The following SMPDL3B variants were observed in gnomAD, a reference collection of about 807,000 sequenced individuals.
SMPDL3B encodes acid sphingomyelinase-like phosphodiesterase 3b.
In SMPDL3B, 31 loss-of-function variants were observed where a neutral mutation model predicts 37.9. The ratio of observed to expected loss-of-function variants is 0.82; its 90% CI spans 0.61 to 1.10. The LOEUF (loss-of-function observed/expected upper bound fraction) is 1.10, where lower values mean the gene tolerates loss of function less well. SMPDL3B is among the 50% of genes least tolerant of loss of function. The probability of loss-of-function intolerance (pLI) is 0.00; values close to 1 mark genes in which losing one functional copy is unlikely to be tolerated. For synonymous variants in SMPDL3B, 235 were observed against 242.6 expected (o/e 0.97, Z 0.29); for missense variants, 525 against 597.8 (o/e 0.88, Z 1.27).
At chr1:27,937,114 G>A (rs2090316445) in intron 1 of SMPDL3B, among the ~76,000 whole-genome samples, 1 of 152,254 alleles carries the variant, frequency 6.6e-6, no homozygotes, top group Non-Finnish European at 1.5e-5. Context: ...TGAAGCACAG[G>A]TGGATTCTGA....
In SMPDL3B at chr1:27,958,691, G is replaced by A. The variant is rs370100191; in HGVS notation, c.1221G>A (p.Glu407=). ...GCTACTCTGCTGGGGTCTGCGACGA[G>A]GCCTGCAGCATGCAGCACGTGTGTG... ...SVSYSAGVCD[E]ACSMQHVCAM... The change falls in exon 8 of 8, where the codon GAG becomes GAA. Residue 407 remains glutamate (E), a synonymous_variant. Coordinates refer to ENST00000373894, the MANE Select transcript of SMPDL3B (RefSeq NM_014474.4). This position sits in a 1 kb window ranked among gnomAD's most constrained non-coding sequence, Gnocchi z 5.6. 2.5e-6 allele frequency: 4 copies of A among 1,613,852 alleles called. No homozygotes were observed. The African/African-American group carries it at 5.3e-5, about 22-fold the overall frequency.
Position 27,935,137 on chromosome 1 carries a change from C to T in SMPDL3B, c.-47C>T. On this transcript the variant is annotated 5_prime_UTR_variant, in exon 1 of 8. Transcript: ENST00000373894. ...CTTAGGAAGCCTGTGGTGAGAACAACAACAGTGCCTGAGAATCCCACGGCT... is the reference window on the plus strand; with the variant it reads ...CTTAGGAAGCCTGTGGTGAGAACAATAACAGTGCCTGAGAATCCCACGGCT... 2 of 1,482,590 alleles carry T rather than the reference C, an allele frequency of 1.3e-6. No homozygotes were observed. The highest frequency in any genetic ancestry group is 1.9e-6 in the Non-Finnish European group (2 of 1,071,140). 91.8% of individuals were successfully genotyped at this position (1,482,590 alleles called of 1,614,324 possible). A position where few individuals can be genotyped will look rare whatever the true frequency, so the allele number is the denominator to read the frequency against.
intron 1 of SMPDL3B, among the ~76,000 whole-genome samples, chr1:27,944,122 G>A (rs1403015776): frequency 6.6e-6 from 1 of 151,506 alleles, no homozygotes; most frequent in Non-Finnish European, 1.5e-5. Context: ...TTATTACACT[G>A]TGAAGTTTTT....
chr1:27,951,710 G>A (rs1479984504), intron 3 of SMPDL3B, among the ~76,000 whole-genome samples: 1 of 152,206 alleles, frequency 6.6e-6, no homozygotes, highest in Admixed American at 6.5e-5. Context: ...TTAGCTGTGT[G>A]TGGTGCTGTG....
In SMPDL3B at chr1:27,958,902, C is replaced by T; in HGVS notation, c.*64C>T. 2.1e-6 allele frequency: 3 copies of T among 1,461,380 alleles called. No homozygotes were observed. The highest frequency in any genetic ancestry group is 2.7e-6 in the Non-Finnish European group (3 of 1,103,986). 90.5% of individuals were successfully genotyped at this position (1,461,380 alleles called of 1,614,324 possible). A position where few individuals can be genotyped will look rare whatever the true frequency, so the allele number is the denominator to read the frequency against. ...GGGCAGCGCCCAGGATCACCCAGAGCTGGGCCTTCCACCATTTCCTCCGCG... is the reference window on the plus strand; with the variant it reads ...GGGCAGCGCCCAGGATCACCCAGAGTTGGGCCTTCCACCATTTCCTCCGCG... On this transcript the variant is annotated 3_prime_UTR_variant, in exon 8 of 8. Coordinates refer to ENST00000373894, the MANE Select transcript of SMPDL3B (RefSeq NM_014474.4). This position sits in a 1 kb window ranked among gnomAD's most constrained non-coding sequence, Gnocchi z 5.6.
At chr1:27,953,163 T>G in intron 3 of SMPDL3B, 52 bp from the exon 4 acceptor site, 1 of 1,470,196 alleles carries the variant, frequency 6.8e-7, no homozygotes, top group East Asian at 2.3e-5. Flanking sequence ...AATGATTAAC[T>G]CCCCCGAGTG....
Position 27,935,127 on chromosome 1 carries a change from G to C in SMPDL3B, c.-57G>C. ...CAGAAAACTACTTAGGAAGCCTGTG[G>C]TGAGAACAACAACAGTGCCTGAGAA... On this transcript the variant is annotated 5_prime_UTR_variant, in exon 1 of 8. Transcript: ENST00000373894. The C allele has an allele frequency of 2.9e-6, 4 of 1,388,670 alleles. No homozygotes were observed. In the South Asian group the frequency reaches 4.7e-5, roughly 16 times the overall value. The allele number at this position is 1,388,670 out of a possible 1,614,324, so 86.0% of individuals were successfully genotyped here.
chr1:27,956,586 G>A (rs926265338), intron 7 of SMPDL3B: 19 of 701,640 alleles, frequency 2.7e-5, no homozygotes, highest in Non-Finnish European at 3.2e-5. Context: ...CTCGTAGGAT[G>A]AGCTTGTGGT....
rs2090401375 is a variant in SMPDL3B at position 27,945,712 on chromosome 1, C to A, written c.275+267C>A. Among the ~76,000 whole-genome samples, 1 of 152,180 alleles carries A rather than the reference C, an allele frequency of 6.6e-6. No individual in the cohort carries two copies. The highest frequency in any genetic ancestry group is 6.5e-5 in the Admixed American group (1 of 15,282). On this transcript the variant is annotated intron_variant, in intron 2 of 7. Coordinates refer to ENST00000373894, the MANE Select transcript of SMPDL3B (RefSeq NM_014474.4). This position sits in a 1 kb window ranked among gnomAD's most constrained non-coding sequence, Gnocchi z 4.0. The stretch of plus-strand genomic sequence containing the variant: ...GGCTTTTGGACGTGGTCCTGGCATG[C>A]CTGGGCACCCGGAGAGTGTCCAGGT...
chr1:27,953,760 G>A (rs2090474842), intron 4 of SMPDL3B, among the ~76,000 whole-genome samples: 1 of 152,192 alleles, frequency 6.6e-6, no homozygotes, highest in Non-Finnish European at 1.5e-5. Flanking sequence ...GCAGAATGTT[G>A]CAAACACTCA....
In SMPDL3B at chr1:27,955,785, G is replaced by C; in HGVS notation, c.792G>C (p.Arg264=). ...GFNEKYLKVV[R]KHHRVIAGQF... is the part of the protein sequence containing the mutation. Reference sequence around the variant, plus strand: ...ATGAAAAATACCTGAAGGTGGTCCGGAAGCATCATCGCGTCATAGCAGGGC... The same window carrying C: ...ATGAAAAATACCTGAAGGTGGTCCGCAAGCATCATCGCGTCATAGCAGGGC... The change falls in exon 6 of 8, where the codon CGG becomes CGC. Residue 264 remains arginine (R), a synonymous_variant. Coordinates refer to ENST00000373894, the MANE Select transcript of SMPDL3B (RefSeq NM_014474.4). The C allele has an allele frequency of 6.2e-7, 1 of 1,614,184 alleles. No individual in the cohort carries two copies. The highest frequency in any genetic ancestry group is 1.3e-5 in the African/African-American group (1 of 75,040).
At chr1:27,938,771 T>C (rs2090329983) in intron 1 of SMPDL3B, 1 of 152,232 alleles carries the variant, frequency 6.6e-6, no homozygotes, top group South Asian at 2.1e-4. Context: ...CATTCAACAC[T>C]TAATTATAAA....
Position 27,958,782 on chromosome 1 carries a change from C to G in SMPDL3B, c.1312C>G (p.Pro438Ala). 6.2e-7 allele frequency: 1 copy of G among 1,608,844 alleles called. No individual in the cohort carries two copies. Reference sequence around the variant, plus strand: ...GTATGCCTCTGGCACCACGCCCGTGCCCCAGCTCCCGCTGCTGCTGATGGC... The same window carrying G: ...GTATGCCTCTGGCACCACGCCCGTGGCCCAGCTCCCGCTGCTGCTGATGGC... ...CLYASGTTPVPQLPLLLMALL... is the reference protein window; with the variant it reads ...CLYASGTTPVAQLPLLLMALL... The change falls in exon 8 of 8, where the codon CCC becomes GCC. Residue 438 changes from proline (P) to alanine (A), a missense_variant. Physicochemically the swap from Pro to Ala is conservative, Grantham distance 27 (BLOSUM62 -1). Transcript: ENST00000373894. This position sits in a 1 kb window ranked among gnomAD's most constrained non-coding sequence, Gnocchi z 5.6.
chr1:27,954,509 T>C lies in SMPDL3B; in HGVS notation c.673T>C (p.Ser225Pro). ...GCTGGAAGATGTGCTGACCGATGCA[T>C]CCAAAGCTGGGGACATGGTAAGAGG... ...QWLEDVLTDA[S>P]KAGDMVYIVG... The change falls in exon 5 of 8, where the codon TCC becomes CCC. Residue 225 changes from serine to proline, a missense_variant. Ser to Pro is a moderately conservative substitution (Grantham distance 74, BLOSUM62 -1). Transcript: ENST00000373894. 1.2e-6 allele frequency: 2 copies of C among 1,613,860 alleles called. No individual in the cohort carries two copies. Among genetic ancestry groups the C allele is most frequent in the Non-Finnish European group, 1.7e-6 (2 of 1,179,994 alleles).
rs61250353 is a variant in SMPDL3B, at chr1:27,953,389, A to G, written c.517+31A>G. The stretch of plus-strand genomic sequence containing the variant: ...AACACCACCTGCTCCTATCAAGAGC[A>G]CTTACTGTATGCCAGGGTCTGATCT... On this transcript the variant is annotated intron_variant, in intron 4 of 7. Coordinates refer to ENST00000373894, the MANE Select transcript of SMPDL3B (RefSeq NM_014474.4). The G allele has an allele frequency of 0.011, 17,135 of 1,579,676 alleles. 1,557 individuals carry two copies. In the African/African-American group the frequency reaches 0.2, roughly 19 times the overall value.
rs144312950 is a variant in SMPDL3B at position 27,953,225 on chromosome 1, C to T, written c.384C>T (p.Val128=). The change falls in exon 4 of 8, where the codon GTC becomes GTT. Residue 128 remains valine (V), a synonymous_variant. Transcript: ENST00000373894. ...LIREVFPDTK[V]YAALGNHDFH... is the part of the protein sequence containing the mutation. ...ACCCTTTCTTCCTAGATACTAAAGT[C>T]TATGCTGCTTTGGGAAATCATGATT... 8.4e-5 allele frequency: 135 copies of T among 1,612,944 alleles called. No homozygotes were observed. In the African/African-American group the frequency reaches 1.6e-3, roughly 19 times the overall value.
intron 1 of SMPDL3B, among the ~76,000 whole-genome samples, chr1:27,942,038 C>T (rs1039444156): frequency 3.3e-5 from 5 of 152,148 alleles, no homozygotes; most frequent in African/African-American, 1.2e-4. Flanking sequence ...CATAAACACA[C>T]ATGCATGTAC....
At position 27,955,695 on chromosome 1, in the gene SMPDL3B, C is replaced by T. The variant is rs3813804; in HGVS notation, c.702C>T (p.Val234=). ...ASKAGDMVYI[V]GHVPPGFFEK... ...CCCCTCCCTTGTAGGTGTACATTGT[C>T]GGCCACGTGCCCCCGGGGTTCTTTG... The change falls in exon 6 of 8, where the codon GTC becomes GTT. Residue 234 remains valine, a synonymous_variant. Transcript: ENST00000373894. 0.28 allele frequency: 449,653 copies of T among 1,612,406 alleles called. 64,183 individuals are homozygous for T. Among genetic ancestry groups the T allele is most frequent in the Admixed American group, 0.32 (18,897 of 59,978 alleles).
rs567558824 is a variant in SMPDL3B at position 27,954,131 on chromosome 1, G to A, written c.518-223G>A. On this transcript the variant is annotated intron_variant, in intron 4 of 7. Coordinates refer to ENST00000373894, the MANE Select transcript of SMPDL3B (RefSeq NM_014474.4). ...GGAAACCGAAGTATAGAGAGGTGAAGTTACTTTCCCAAGTTGCACAGCGAA... is the reference window on the plus strand; with the variant it reads ...GGAAACCGAAGTATAGAGAGGTGAAATTACTTTCCCAAGTTGCACAGCGAA... 2.6e-5 allele frequency among the ~76,000 whole-genome samples: 4 copies of A among 152,364 alleles called. No individual in the cohort carries two copies. The South Asian group carries it at 8.3e-4, about 32-fold the overall frequency.
Sources: allele counts gnomAD v4.1 joint callset (sites outside exome capture counted in the v4.1 genomes callset), GRCh38; gene constraint gnomAD v4.1.1; non-coding constraint Gnocchi (gnomAD v3.1); transcripts MANE v1.5; gene names NCBI Gene and HGNC (gene_info 2026-07-23, HGNC 2026-07-21).